ATP13A3: variants seen among roughly 807,000 people sequenced by gnomAD.
ATP13A3 encodes the protein polyamine-transporting ATPase 13A3.
In ATP13A3, 59 loss-of-function variants were observed where a neutral mutation model predicts 158.1. The ratio of observed to expected loss-of-function variants is 0.37; its 90% confidence interval spans 0.30 to 0.46. The LOEUF (loss-of-function observed/expected upper bound fraction) is 0.46, where lower values mean the gene tolerates loss of function less well. ATP13A3 is among the 20% of genes least tolerant of loss of function. The pLI is 1.00. For synonymous variants in ATP13A3, 491 were observed against 504.3 expected (o/e 0.97, Z 0.35); for missense variants, 1,166 against 1,525.2 (o/e 0.76, Z 3.92).
In ATP13A3 at chr3:194,433,868, T is replaced by C. The variant is rs1247594847; in HGVS notation, c.2149A>G (p.Met717Val). The change falls in exon 21 of 34, where the codon ATG becomes GTG. Residue 717 changes from methionine to valine, a missense_variant. Around this residue, in one of 3 missense-constraint regions of ATP13A3, gnomAD observed 997 missense variants for 1,341.2 expected, o/e 0.74. Coordinates refer to ENST00000645319, the MANE Select transcript of ATP13A3 (RefSeq NM_001367549.1). ...RDAIENNMDF[M>V]GLIIMQNKLK... ...TTGTTCTGCATTATAATTAATCCCA[T>C]AAAATCCATGTTGTTCTCAATTGCA... 8.1e-6 allele frequency: 13 copies of C among 1,613,770 alleles called. No individual in the cohort carries two copies. The highest frequency in any genetic ancestry group is 1.1e-5 in the Non-Finnish European group (13 of 1,179,836).
In ATP13A3 at chr3:194,459,821, T is replaced by C; in HGVS notation, c.376A>G (p.Ile126Val). 6.2e-7 allele frequency: 1 copy of C among 1,613,130 alleles called. No homozygotes were observed. Among genetic ancestry groups the C allele is most frequent in the Middle Eastern group, 1.7e-4 (1 of 6,054 alleles). Residue 126 changes from isoleucine (I) to valine (V), a missense_variant, in exon 5 of 34, where the codon ATC becomes GTC. Ile to Val is a conservative substitution (Grantham distance 29). This residue lies in a region of ATP13A3 where 104 missense variants were observed against 91.7 expected (regional missense o/e 1.13). Transcript: ENST00000645319. ...GATTCAGTCTGTGAATATTTACTGA[T>C]CCTGTGCCTATTTTCTTCAGTGGGA... is the stretch of plus-strand genomic sequence containing the variant. Reference protein sequence around the residue: ...ENPTEENRHRISKYSQTESQQ... With the variant: ...ENPTEENRHRVSKYSQTESQQ...
At chr3:194,447,187 T>C in intron 13 of ATP13A3, 72 bp from the exon 14 acceptor site, 1 of 1,307,462 alleles carries the variant, frequency 7.6e-7, no homozygotes, top group Non-Finnish European at 1.1e-6. Context: ...ATTTCTTTAG[T>C]GAAAATCTGT....
At chr3:194,464,062 G>A (rs1173869609) in intron 2 of ATP13A3, among the ~76,000 whole-genome samples, 1 of 152,210 alleles carries the variant, frequency 6.6e-6, no homozygotes, top group Admixed American at 6.5e-5. Context: ...TCAGGAGGCT[G>A]AGGTGAGAGA....
chr3:194,440,490 G>A (rs943023304), intron 16 of ATP13A3, among the ~76,000 whole-genome samples: 2 of 152,180 alleles, frequency 1.3e-5, no homozygotes, highest in Non-Finnish European at 2.9e-5. Context: ...GACCCCACCA[G>A]ACACAGAGCA....
intron 1 of ATP13A3, among the ~76,000 whole-genome samples, chr3:194,486,176 G>A (rs531545287): frequency 6.6e-6 from 1 of 152,256 alleles, no homozygotes; most frequent in South Asian, 2.1e-4. Context: ...TGTGAAATGC[G>A]GAGATGGCAA....
chr3:194,424,902 G>A (rs1716646047), intron 30 of ATP13A3, among the ~76,000 whole-genome samples: 1 of 152,208 alleles, frequency 6.6e-6, no homozygotes, highest in African/African-American at 2.4e-5. Flanking sequence ...ATGCTGCGCA[G>A]ACCGCCCGGG....
At chr3:194,456,105 T>C (rs978745011) in intron 7 of ATP13A3, 143 bp from the exon 8 acceptor site, 9 of 487,660 alleles carry the variant, frequency 1.8e-5, no homozygotes, top group African/African-American at 1.6e-4. Context: ...TCAAACTCTC[T>C]ACCTACAGAA....
upstream of ATP13A3, among the ~76,000 whole-genome samples, chr3:194,488,967 T>A (rs1197364362): frequency 6.6e-6 from 1 of 152,198 alleles, no homozygotes; most frequent in African/African-American, 2.4e-5. This position sits in a 1 kb window ranked among gnomAD's most constrained non-coding sequence, Gnocchi z 4.1. Flanking sequence ...CACCCCAAAC[T>A]GGACATTTCC....
intron 33 of ATP13A3, among the ~76,000 whole-genome samples, chr3:194,408,814 T>G (rs79048329): frequency 3.3e-5 from 5 of 152,212 alleles, no homozygotes; most frequent in Admixed American, 6.5e-5. Context: ...ACCACACACA[T>G]TCTCAAACAC....
In ATP13A3 at chr3:194,426,954, G is replaced by A. The variant is rs1252439693; in HGVS notation, c.3125+121C>T. The A allele has an allele frequency of 3.9e-6, 4 of 1,036,136 alleles. No homozygotes were observed. The African/African-American group carries it at 5.0e-5, about 13-fold the overall frequency. The allele number at this position is 1,036,136 out of a possible 1,614,324, so 64.2% of individuals were successfully genotyped here. On this transcript the variant is annotated intron_variant, in intron 29 of 33. Transcript: ENST00000645319. ...CTGCCTCGGCCTCCCCAAAGTACTAGGACTACAGGTGTGAGCCACCGCACC... is the reference window on the plus strand; with the variant it reads ...CTGCCTCGGCCTCCCCAAAGTACTAAGACTACAGGTGTGAGCCACCGCACC...
Position 194,431,186 on chromosome 3 carries a change from A to G in ATP13A3, c.2462T>C (p.Leu821Pro). The G allele has an allele frequency of 6.2e-7, 1 of 1,613,706 alleles. No homozygotes were observed. Among genetic ancestry groups the G allele is most frequent in the Non-Finnish European group, 8.5e-7 (1 of 1,179,618 alleles). The change falls in exon 23 of 34, where the codon CTT becomes CCT. Residue 821 changes from leucine to proline, a missense_variant. Leu to Pro is a moderately conservative substitution (Grantham distance 98). This residue lies in a region of ATP13A3 where 997 missense variants were observed against 1,341.2 expected (regional missense o/e 0.74). Coordinates refer to ENST00000645319, the MANE Select transcript of ATP13A3 (RefSeq NM_001367549.1). Reference sequence around the variant, plus strand: ...TGCAAAATGATAACGAGTCATTTGAAGATCCTCTAAGCTATCATGGACCAA... The same window carrying G: ...TGCAAAATGATAACGAGTCATTTGAGGATCCTCTAAGCTATCATGGACCAA... ...VKLVHDSLED[L>P]QMTRYHFAMN...
rs749014108 is a variant in ATP13A3 at position 194,460,850 on chromosome 3, C to CA, written c.52-20dup. On this transcript the variant is annotated intron_variant, in intron 3 of 33. Transcript: ENST00000645319. ...AAATCTCCTGCATGGACACAGCGAT[C>CA]ACATGATTAATTATCAAATGATAAA... 5 of 1,600,694 alleles carry CA rather than the reference C, an allele frequency of 3.1e-6. No individual in the cohort carries two copies. Among genetic ancestry groups the CA allele is most frequent in the Non-Finnish European group, 3.4e-6 (4 of 1,173,226 alleles).
At chr3:194,429,583 A>T in intron 27 of ATP13A3, 95 bp downstream of exon 27, 1 of 829,108 alleles carries the variant, frequency 1.2e-6, no homozygotes, top group Non-Finnish European at 1.9e-6. Context: ...AGAAACAATT[A>T]CTAATGGATG....
At chr3:194,449,570 C>T (rs1450506134) in intron 11 of ATP13A3, among the ~76,000 whole-genome samples, 2 of 151,864 alleles carry the variant, frequency 1.3e-5, no homozygotes, top group South Asian at 2.1e-4. Flanking sequence ...CCCAGCTACT[C>T]GGGAGGCTGA....
chr3:194,440,413 G>A (rs921039506), intron 16 of ATP13A3, among the ~76,000 whole-genome samples: 4 of 152,216 alleles, frequency 2.6e-5, no homozygotes, highest in Non-Finnish European at 5.9e-5. Context: ...GAGAATGGGT[G>A]AGGAAAGCAA....
chr3:194,455,576 C>T (rs1000594054), intron 8 of ATP13A3, among the ~76,000 whole-genome samples: 2 of 152,162 alleles, frequency 1.3e-5, no homozygotes, highest in African/African-American at 4.8e-5. Context: ...GAAAAACAAT[C>T]TTACTTCTAC....
At chr3:194,442,927 T>C (rs900993720) in intron 15 of ATP13A3, among the ~76,000 whole-genome samples, 1 of 151,942 alleles carries the variant, frequency 6.6e-6, no homozygotes, top group Non-Finnish European at 1.5e-5. Context: ...AGAACACAAA[T>C]GTCAAACCTA....
Position 194,448,705 on chromosome 3 carries a change from C to G in ATP13A3, c.971-69G>C, listed in dbSNP as rs777804945. The G allele has an allele frequency of 6.9e-5, 98 of 1,415,640 alleles. 1 individual carries two copies. The highest frequency in any genetic ancestry group is 5.1e-4 in the Middle Eastern group (2 of 3,958). 87.7% of individuals were successfully genotyped at this position (1,415,640 alleles called of 1,614,324 possible). On this transcript the variant is annotated intron_variant, in intron 11 of 33. Transcript: ENST00000645319. The surrounding 1 kb of genome is among the most constrained non-coding windows in gnomAD (Gnocchi z 4.0). ...TAAACGAAAGCACAGGAATCAGTAT[C>G]GAACACCAAAAAATATTAAATTGTT...
chr3:194,450,249 A>T lies in ATP13A3; in HGVS notation c.866T>A (p.Leu289His). ...EEIEEIFSTD[L>H]VPGDVMVIPL... ...AATGACCATGACATCTCCTGGCACA[A>T]GGTCGGTAGAAAAGATTTCTTCTAT... Residue 289 changes from leucine to histidine, a missense_variant, in exon 11 of 34, where the codon CTT (leucine) becomes CAT (histidine). Leu to His is a moderately conservative substitution (Grantham distance 99). Around this residue, in one of 3 missense-constraint regions of ATP13A3, gnomAD observed 997 missense variants for 1,341.2 expected, o/e 0.74. Coordinates refer to ENST00000645319, the MANE Select transcript of ATP13A3 (RefSeq NM_001367549.1). 6.2e-7 allele frequency: 1 copy of T among 1,612,936 alleles called. No individual in the cohort carries two copies. Among genetic ancestry groups the T allele is most frequent in the Non-Finnish European group, 8.5e-7 (1 of 1,178,944 alleles).
Sources: gnomAD v4.1 joint callset for allele counts (sites outside exome capture counted in the v4.1 genomes callset) on GRCh38, gnomAD v4.1.1 for gene constraint, gnomAD v4.1.1 regional missense constraint, Gnocchi (gnomAD v3.1) non-coding constraint, MANE v1.5 for transcripts, NCBI Gene and HGNC (gene_info 2026-07-23, HGNC 2026-07-21) for gene names.